The following GPC6 variants were observed in gnomAD, a reference collection of about 807,000 sequenced individuals.
GPC6 encodes the protein glypican-6.
A neutral mutation model predicts 55.2 loss-of-function variants in GPC6; 14 were observed. The observed-to-expected ratio is 0.25, with a 90% CI of 0.17 to 0.40. The LOEUF (loss-of-function observed/expected upper bound fraction) is 0.40, where lower values mean the gene tolerates loss of function less well. Among genes scored for constraint, GPC6 ranks in the 10% least tolerant of loss-of-function variants. GPC6 has a pLI of 1.00. For synonymous variants in GPC6, 278 were observed against 259.6 expected, an observed-to-expected ratio of 1.07 and a Z score of -0.68; for missense variants, 641 against 708.5, an observed-to-expected ratio of 0.90 and a Z score of 1.08.
chr13:93,683,010 C>T (rs1881908066), intron 2 of GPC6, among the ~76,000 whole-genome samples: 1 of 151,494 alleles, frequency 6.6e-6, no homozygotes, highest in Non-Finnish European at 1.5e-5. Flanking sequence ...CAAGCAAGAC[C>T]CTGTCTGAAA....
In GPC6 at chr13:93,913,574, T is replaced by G. The variant is rs58859909; in HGVS notation, c.711+83029T>G. ...TCTCTCATAGCATTTGCTTTTTGTC[T>G]GGAAATTGGAACTCCAATTTCTGTT... On this transcript the variant is annotated intron_variant, in intron 3 of 8. Coordinates refer to ENST00000377047, the MANE Select transcript of GPC6 (RefSeq NM_005708.5). Among the ~76,000 whole-genome samples, 1,310 of 152,316 alleles carry G rather than the reference T, an allele frequency of 8.6e-3. 22 individuals are homozygous for G. Among genetic ancestry groups the G allele is most frequent in the African/African-American group, 0.03 (1,242 of 41,562 alleles).
chr13:93,867,351 A>G (rs1888998308), intron 3 of GPC6, among the ~76,000 whole-genome samples: 1 of 151,750 alleles, frequency 6.6e-6, no homozygotes, highest in Non-Finnish European at 1.5e-5. Flanking sequence ...TGAACTGAGA[A>G]GTCTGCAGAC....
chr13:94,235,080 GGGAGTAAATTTA>G (rs1890841145), intron 4 of GPC6, among the ~76,000 whole-genome samples: 4 of 151,998 alleles, frequency 2.6e-5, no homozygotes, highest in Non-Finnish European at 5.9e-5. Flanking sequence ...AAATTGTTAA[GGGAGTAAATTTA>G]CGTTGGATAT....
chr13:93,671,457 G>A (rs1458529954), intron 2 of GPC6, among the ~76,000 whole-genome samples: 1 of 152,042 alleles, frequency 6.6e-6, no homozygotes, highest in Non-Finnish European at 1.5e-5. Context: ...ACCAACTAAA[G>A]TAAGCTTTTC....
intron 2 of GPC6, among the ~76,000 whole-genome samples, chr13:93,598,199 A>G (rs1877853033): frequency 6.6e-6 from 1 of 152,160 alleles, no homozygotes; most frequent in Middle Eastern, 3.2e-3. Context: ...TTACTGTGTA[A>G]GTGGTTGGCA....
intron 4 of GPC6, among the ~76,000 whole-genome samples, chr13:94,067,616 TAGATAGAC>T (rs1170889718): frequency 2.3e-4 from 32 of 141,190 alleles, no homozygotes; most frequent in African/African-American, 3.7e-4. Context: ...GATAGATAGA[TAGATAGAC>T]AGACAGACAG....
At chr13:94,175,986 A>AGAGAGACC (rs1888750803) in intron 4 of GPC6, among the ~76,000 whole-genome samples, 1 of 131,206 alleles carries the variant, frequency 7.6e-6, no homozygotes, top group South Asian at 2.6e-4. Flanking sequence ...AGAGAGAGAG[A>AGAGAGACC]GAGAGAGCGA....
chr13:93,941,719 A>C (rs961494917), intron 3 of GPC6, among the ~76,000 whole-genome samples: 3 of 152,182 alleles, frequency 2.0e-5, no homozygotes, highest in African/African-American at 7.2e-5. Context: ...CAACACTAAT[A>C]AGACTATACA....
At chr13:93,970,340 A>G (rs1010468718) in intron 3 of GPC6, among the ~76,000 whole-genome samples, 1 of 152,252 alleles carries the variant, frequency 6.6e-6, no homozygotes, top group African/African-American at 2.4e-5. Context: ...ATTGAGAAGT[A>G]GCATTTTCAT....
At chr13:93,442,208 A>G (rs1566359710) in intron 1 of GPC6, among the ~76,000 whole-genome samples, 1 of 152,142 alleles carries the variant, frequency 6.6e-6, no homozygotes, top group African/African-American at 2.4e-5. Flanking sequence ...AGAGGCTCCT[A>G]AGTAGAGTAA....
At chr13:94,395,298 C>G (rs1254808178) in intron 7 of GPC6, among the ~76,000 whole-genome samples, 1 of 152,102 alleles carries the variant, frequency 6.6e-6, no homozygotes, top group Non-Finnish European at 1.5e-5. Flanking sequence ...AGAAGTTATG[C>G]TTTATGGCAA....
intron 3 of GPC6, among the ~76,000 whole-genome samples, chr13:93,999,702 A>T (rs1881714332): frequency 6.6e-6 from 1 of 152,112 alleles, no homozygotes; most frequent in Non-Finnish European, 1.5e-5. Context: ...ACTTAGGTTG[A>T]TTTCATATCT....
At chr13:93,514,855 A>G (rs1881124793) in intron 1 of GPC6, among the ~76,000 whole-genome samples, 1 of 152,202 alleles carries the variant, frequency 6.6e-6, no homozygotes, top group African/African-American at 2.4e-5. Flanking sequence ...GAAAAAAACA[A>G]ACAAACAAAA....
chr13:94,319,412 CTG>C (rs1349327258), intron 6 of GPC6, among the ~76,000 whole-genome samples: 5 of 152,106 alleles, frequency 3.3e-5, no homozygotes, highest in Admixed American at 2.0e-4. Flanking sequence ...TAATTTCGTT[CTG>C]TCTTATGTTG....
chr13:93,933,892 C>A (rs146536298), intron 3 of GPC6, among the ~76,000 whole-genome samples: 62 of 152,272 alleles, frequency 4.1e-4, no homozygotes, highest in Admixed American at 2.9e-3. Flanking sequence ...CAGCCCCTTC[C>A]ATGGAGTCTG....
chr13:93,353,824 A>C (rs796227272), intron 1 of GPC6, among the ~76,000 whole-genome samples: 55 of 152,274 alleles, frequency 3.6e-4, no homozygotes, highest in African/African-American at 1.2e-3. Context: ...TGCTATTTGG[A>C]TGTAAATATT....
intron 4 of GPC6, among the ~76,000 whole-genome samples, chr13:94,243,968 C>T (rs140920009): frequency 6.6e-5 from 10 of 152,172 alleles, no homozygotes; most frequent in African/African-American, 1.4e-4. Flanking sequence ...TAAATGGATG[C>T]GACTTCCATG....
intron 2 of GPC6, among the ~76,000 whole-genome samples, chr13:93,676,592 G>A (rs1393506921): frequency 6.6e-6 from 1 of 152,040 alleles, no homozygotes; most frequent in Non-Finnish European, 1.5e-5. Flanking sequence ...TAACTTTACA[G>A]CCACAGCCAG....
chr13:94,094,827 CAT>C (rs10593460), intron 4 of GPC6, among the ~76,000 whole-genome samples: 87,744 of 151,598 alleles, frequency 0.58, 25,447 homozygotes, highest in South Asian at 0.62. Flanking sequence ...AATAAAGACT[CAT>C]AGAATGCTTA....
Sources: gnomAD v4.1 joint callset for allele counts (sites outside exome capture counted in the v4.1 genomes callset) on GRCh38, gnomAD v4.1.1 for gene constraint, MANE v1.5 for transcripts, NCBI Gene and HGNC (gene_info 2026-07-23, HGNC 2026-07-21) for gene names.